Variants in CFAP58 observed in about 807,000 individuals in gnomAD.
The protein encoded by CFAP58 is cilia and flagella associated protein 58, also known as cilia- and flagella-associated protein 58.
Under a neutral mutation model 119.5 loss-of-function variants are expected in CFAP58, and 88 were observed. That is an observed-to-expected ratio of 0.74 (90% CI 0.62 to 0.88). The LOEUF (loss-of-function observed/expected upper bound fraction) is 0.88, where lower values mean the gene tolerates loss of function less well. Ranked by LOEUF, CFAP58 falls within the 40% of genes least tolerant of loss-of-function variation. The pLI, the probability that CFAP58 is intolerant of heterozygous loss-of-function variation, is 0.00. For synonymous variants in CFAP58, 365 were observed against 366.3 expected (o/e 1.00, Z 0.04); for missense variants, 990 against 1,021.2 (o/e 0.97, Z 0.42).
intron 1 of CFAP58, among the ~76,000 whole-genome samples, chr10:104,357,943 G>GTACATATA (rs1250545288): frequency 9.1e-6 from 1 of 109,696 alleles, no homozygotes; most frequent in African/African-American, 4.9e-5. Context: ...ACACATATAT[G>GTACATATA]TACACATATA....
intron 15 of CFAP58, among the ~76,000 whole-genome samples, chr10:104,423,900 A>G (rs1370469346): frequency 6.6e-6 from 1 of 152,210 alleles, no homozygotes; most frequent in African/African-American, 2.4e-5. Context: ...TGCTTCTTAC[A>G]AGGATGAGAA....
At chr10:104,397,559 C>T (rs1029959047) in intron 11 of CFAP58, among the ~76,000 whole-genome samples, 3 of 152,102 alleles carry the variant, frequency 2.0e-5, no homozygotes, top group Non-Finnish European at 4.4e-5. Flanking sequence ...TTCAAAGGCA[C>T]TTAAAAGTAT....
At chr10:104,366,992 C>T (rs111998467) in intron 5 of CFAP58, among the ~76,000 whole-genome samples, 14 of 152,038 alleles carry the variant, frequency 9.2e-5, no homozygotes, top group African/African-American at 2.9e-4. Context: ...CTCAGTCTCC[C>T]GAGTAACTGG....
chr10:104,395,337 CT>C (rs1270820091), intron 11 of CFAP58, among the ~76,000 whole-genome samples: 1 of 152,200 alleles, frequency 6.6e-6, no homozygotes, highest in Non-Finnish European at 1.5e-5. Flanking sequence ...GATTAAAAGG[CT>C]TCTGCTCCAG....
At chr10:104,449,891 C>T (rs949867663) in intron 16 of CFAP58, among the ~76,000 whole-genome samples, 180 bp from the exon 17 acceptor site, 1 of 152,086 alleles carries the variant, frequency 6.6e-6, no homozygotes, top group African/African-American at 2.4e-5. Flanking sequence ...CATCTTCAGC[C>T]CTCAGCCAGG....
chr10:104,434,767 G>C (rs551280169), intron 15 of CFAP58, among the ~76,000 whole-genome samples: 1 of 152,300 alleles, frequency 6.6e-6, no homozygotes, highest in South Asian at 2.1e-4. Flanking sequence ...GATATCACTT[G>C]TAACTGTCAA....
intron 15 of CFAP58, among the ~76,000 whole-genome samples, chr10:104,430,267 GC>G (rs1479090707): frequency 6.6e-6 from 1 of 152,160 alleles, no homozygotes; most frequent in East Asian, 1.9e-4. Context: ...TGTCAATGGG[GC>G]TATACTAGAA....
intron 15 of CFAP58, among the ~76,000 whole-genome samples, chr10:104,430,654 T>C (rs2012830698): frequency 6.6e-6 from 1 of 152,180 alleles, no homozygotes; most frequent in Non-Finnish European, 1.5e-5. Flanking sequence ...TGGTTTGCAT[T>C]CAAATTAGGC....
At chr10:104,403,139 G>C (rs1159698147) in intron 13 of CFAP58, among the ~76,000 whole-genome samples, 1 of 152,176 alleles carries the variant, frequency 6.6e-6, no homozygotes, top group Non-Finnish European at 1.5e-5. Flanking sequence ...GTGGGGTCCA[G>C]GTGGAGATAA....
intron 17 of CFAP58, among the ~76,000 whole-genome samples, chr10:104,453,055 A>G (rs2013220028): frequency 2.0e-5 from 3 of 152,216 alleles, no homozygotes. Context: ...AAAAGATAAT[A>G]TAAAGGAGAC....
intron 7 of CFAP58, 40 bp downstream of exon 7, chr10:104,371,094 A>G: frequency 6.4e-7 from 1 of 1,562,418 alleles, no homozygotes; most frequent in South Asian, 1.2e-5. Flanking sequence ...GAAACATTTT[A>G]TTGGTGACTG....
chr10:104,377,925 C>CT (rs1452192140), intron 8 of CFAP58, among the ~76,000 whole-genome samples: 6 of 152,160 alleles, frequency 3.9e-5, no homozygotes, highest in Admixed American at 3.3e-4. Context: ...TACATATAAA[C>CT]AATAGTGTTG....
At chr10:104,405,129 T>C (rs2012337560) in intron 14 of CFAP58, among the ~76,000 whole-genome samples, 1 of 152,242 alleles carries the variant, frequency 6.6e-6, no homozygotes, top group Admixed American at 6.5e-5. Context: ...TATGTAAACA[T>C]GAGGCCTGAA....
chr10:104,368,455 G>A lies in CFAP58; in HGVS notation c.825G>A (p.Glu275=), dbSNP rs142103845. ...ATGAGAGAGCTGCAAAGGAACTCGA[G>A]CAATTTCAGATGAGAAATGCTAAAC... ...ILNERAAKEL[E]QFQMRNAKLQ... The change falls in exon 6 of 18, where the codon GAG becomes GAA. Residue 275 remains glutamate (E), a synonymous_variant. Coordinates refer to ENST00000369704, the MANE Select transcript of CFAP58 (RefSeq NM_001008723.2). 4.3e-4 allele frequency: 688 copies of A among 1,613,966 alleles called. 3 individuals are homozygous for A. Among genetic ancestry groups the A allele is most frequent in the East Asian group, 8.9e-5 (4 of 44,882 alleles).
chr10:104,418,330 C>T (rs572288647), intron 15 of CFAP58, among the ~76,000 whole-genome samples: 16 of 152,226 alleles, frequency 1.1e-4, no homozygotes, highest in South Asian at 4.1e-4. Flanking sequence ...AGGTGGATCA[C>T]GAGGTCAGGA....
Position 104,368,674 on chromosome 10 carries a change from C to T in CFAP58, c.930+114C>T, listed in dbSNP as rs927300050. 1.6e-5 allele frequency: 17 copies of T among 1,095,482 alleles called. No individual in the cohort carries two copies. The African/African-American group carries it at 2.7e-4, about 17-fold the overall frequency. The allele number at this position is 1,095,482 out of a possible 1,614,324, so 67.9% of individuals were successfully genotyped here. ...GTGTTGGCTCTACTGAGTACATTGA[C>T]ACATCAGAGGCAGGTGCAAGCCTAT... On this transcript the variant is annotated intron_variant, in intron 6 of 17. Coordinates refer to ENST00000369704, the MANE Select transcript of CFAP58 (RefSeq NM_001008723.2).
At chr10:104,363,423 A>G (rs1564878982) in intron 3 of CFAP58, among the ~76,000 whole-genome samples, 1 of 152,222 alleles carries the variant, frequency 6.6e-6, no homozygotes, top group Non-Finnish European at 1.5e-5. Flanking sequence ...TCCAACACTG[A>G]CAGATAGTTC....
intron 15 of CFAP58, among the ~76,000 whole-genome samples, chr10:104,409,864 A>G (rs200183826): frequency 6.6e-6 from 1 of 151,016 alleles, no homozygotes; most frequent in Non-Finnish European, 1.5e-5. Flanking sequence ...AAAAAATCTT[A>G]TCTTTGTGTT....
chr10:104,407,923 C>T (rs905221960), intron 15 of CFAP58, among the ~76,000 whole-genome samples: 1 of 152,196 alleles, frequency 6.6e-6, no homozygotes, highest in Non-Finnish European at 1.5e-5. Flanking sequence ...TCTCAAACTC[C>T]TGACCCCAAG....
Sources: gnomAD v4.1 joint callset for allele counts (sites outside exome capture counted in the v4.1 genomes callset) on GRCh38, gnomAD v4.1.1 for gene constraint, MANE v1.5 for transcripts, NCBI Gene and HGNC (gene_info 2026-07-23, HGNC 2026-07-21) for gene names.